Variants in PCDH15 observed in about 807,000 individuals in gnomAD.
PCDH15 encodes the protein protocadherin related 15.
Under a neutral mutation model 178.5 loss-of-function variants are expected in PCDH15, and 129 were observed. The observed-to-expected ratio is 0.72, with a 90% CI of 0.63 to 0.84. The LOEUF (loss-of-function observed/expected upper bound fraction) is 0.84, where lower values mean the gene tolerates loss of function less well. Ranked by LOEUF, PCDH15 falls within the 40% of genes least tolerant of loss-of-function variation. The probability of loss-of-function intolerance (pLI) is 0.00; values close to 1 mark genes in which losing one functional copy is unlikely to be tolerated. For synonymous variants in PCDH15, 800 were observed against 732.0 expected, an observed-to-expected ratio of 1.09 and a Z score of -1.50; for missense variants, 2,230 against 2,099.9, an observed-to-expected ratio of 1.06 and a Z score of -1.21.
At chr10:55,561,878 A>G (rs768962256) in intron 2 of PCDH15, among the ~76,000 whole-genome samples, 22 of 151,954 alleles carry the variant, frequency 1.4e-4, no homozygotes, top group Non-Finnish European at 3.1e-4. Flanking sequence ...ATTTGCTAGT[A>G]ATAGAGACTG....
chr10:54,617,623 T>TA (rs1456948079), intron 2 of PCDH15, among the ~76,000 whole-genome samples: 1 of 151,324 alleles, frequency 6.6e-6, no homozygotes, highest in Non-Finnish European at 1.5e-5. Context: ...TACTATATAT[T>TA]AAAAAGTAGC....
chr10:54,763,948 C>A (rs1436133736), intron 1 of PCDH15, among the ~76,000 whole-genome samples: 2 of 151,070 alleles, frequency 1.3e-5, no homozygotes, highest in African/African-American at 2.4e-5. Flanking sequence ...TATTAACATG[C>A]AAATATAACG....
intron 18 of PCDH15, among the ~76,000 whole-genome samples, chr10:54,046,724 G>A (rs2093663448): frequency 6.6e-6 from 1 of 152,100 alleles, no homozygotes; most frequent in South Asian, 2.1e-4. Flanking sequence ...TTCTATACCT[G>A]ATTTGGACTT....
At position 53,822,104 on chromosome 10, in the gene PCDH15, G is replaced by T. The variant is rs779691167; in HGVS notation, c.4368-1874C>A. The T allele has an allele frequency of 1.2e-6, 2 of 1,613,788 alleles. No individual in the cohort carries two copies. Among genetic ancestry groups the T allele is most frequent in the African/African-American group, 1.3e-5 (1 of 74,764 alleles). On this transcript the variant is annotated intron_variant, in intron 32 of 37. Coordinates refer to ENST00000644397, the MANE Select transcript of PCDH15 (RefSeq NM_001384140.1). ...GGATGCCTTTTGGTTCTCTCTGAGGGTCTGTTTTACACACTGTCGTTGTTG... is the reference window on the plus strand; with the variant it reads ...GGATGCCTTTTGGTTCTCTCTGAGGTTCTGTTTTACACACTGTCGTTGTTG...
chr10:54,060,322 T>C (rs2135734688), intron 18 of PCDH15, among the ~76,000 whole-genome samples: 1 of 152,348 alleles, frequency 6.6e-6, no homozygotes, highest in African/African-American at 2.4e-5. Flanking sequence ...TAAAATGTTC[T>C]CTAAATATGG....
intron 1 of PCDH15, among the ~76,000 whole-genome samples, chr10:55,176,058 C>A (rs1839476273): frequency 6.6e-6 from 1 of 152,030 alleles, no homozygotes; most frequent in South Asian, 2.1e-4. Flanking sequence ...GCTCCTCTCT[C>A]CAGCTCCGAC....
chr10:54,232,841 T>C (rs1206419490), intron 9 of PCDH15, among the ~76,000 whole-genome samples: 2 of 152,086 alleles, frequency 1.3e-5, no homozygotes, highest in African/African-American at 4.8e-5. Context: ...CTTCATTTAT[T>C]ATCTCTACTG....
intron 3 of PCDH15, among the ~76,000 whole-genome samples, chr10:54,897,056 G>C (rs1012149516): frequency 1.3e-5 from 2 of 152,204 alleles, no homozygotes; most frequent in Non-Finnish European, 2.9e-5. Flanking sequence ...CCATGGTCTT[G>C]CTCCTGTGGC....
At chr10:54,823,963 T>A (rs1953087012) in intron 3 of PCDH15, among the ~76,000 whole-genome samples, 1 of 152,152 alleles carries the variant, frequency 6.6e-6, no homozygotes, top group Non-Finnish European at 1.5e-5. Context: ...TTATTTTAAA[T>A]GTTTATAAAT....
At chr10:55,201,797 G>A (rs555184071) in intron 1 of PCDH15, among the ~76,000 whole-genome samples, 1 of 152,094 alleles carries the variant, frequency 6.6e-6, no homozygotes, top group Non-Finnish European at 1.5e-5. Flanking sequence ...TTTTTTGGTG[G>A]AATACTGCTT....
chr10:53,975,789 C>G (rs11003961), intron 21 of PCDH15, among the ~76,000 whole-genome samples: 47,636 of 152,014 alleles, frequency 0.31, 9,463 homozygotes, highest in Middle Eastern at 0.56. Flanking sequence ...TCCCACTCAT[C>G]AATTTTTGTT....
intron 2 of PCDH15, among the ~76,000 whole-genome samples, chr10:55,342,667 TAA>T (rs1451513674): frequency 6.6e-6 from 1 of 152,036 alleles, no homozygotes; most frequent in Non-Finnish European, 1.5e-5. Context: ...TTGGCAGGAC[TAA>T]AATTAGAAGC....
At chr10:54,281,358 T>C (rs929308987) in intron 8 of PCDH15, among the ~76,000 whole-genome samples, 3 of 151,962 alleles carry the variant, frequency 2.0e-5, no homozygotes, top group African/African-American at 7.2e-5. Context: ...TCTAAAAATG[T>C]ATAACAGTAA....
At chr10:54,050,974 C>A (rs536554975) in intron 18 of PCDH15, among the ~76,000 whole-genome samples, 142 of 152,208 alleles carry the variant, frequency 9.3e-4, no homozygotes, top group African/African-American at 3.3e-3. Context: ...CATTTTTTCT[C>A]TCCCTTCACT....
intron 2 of PCDH15, among the ~76,000 whole-genome samples, chr10:55,093,449 A>C (rs945462754): frequency 2.6e-5 from 4 of 151,920 alleles, no homozygotes; most frequent in Admixed American, 1.3e-4. Context: ...TCTGATGGTA[A>C]TTTCTTTTAA....
chr10:54,348,481 A>G (rs2134210293), intron 5 of PCDH15, among the ~76,000 whole-genome samples: 1 of 152,284 alleles, frequency 6.6e-6, no homozygotes, highest in South Asian at 2.1e-4. Context: ...TTCTTTTTTA[A>G]TGGAATTCCT....
chr10:54,930,404 C>G (rs1223167193), intron 2 of PCDH15, among the ~76,000 whole-genome samples: 2 of 152,168 alleles, frequency 1.3e-5, no homozygotes, highest in Non-Finnish European at 2.9e-5. Context: ...TCTCTTCCCT[C>G]TTTCTTTTAC....
intron 2 of PCDH15, among the ~76,000 whole-genome samples, chr10:54,554,603 C>A (rs2086968932): frequency 6.6e-6 from 1 of 152,118 alleles, no homozygotes; most frequent in Non-Finnish European, 1.5e-5. Context: ...ATAGGTTGGA[C>A]TTCCATCTCA....
At chr10:54,988,359 G>C (rs1009076415) in intron 2 of PCDH15, among the ~76,000 whole-genome samples, 1 of 152,138 alleles carries the variant, frequency 6.6e-6, no homozygotes, top group Non-Finnish European at 1.5e-5. Flanking sequence ...ATATGGAAGT[G>C]ACTTTGGAAC....
Sources: gnomAD v4.1 joint callset for allele counts (sites outside exome capture counted in the v4.1 genomes callset) on GRCh38, gnomAD v4.1.1 for gene constraint, MANE v1.5 for transcripts, NCBI Gene and HGNC (gene_info 2026-07-23, HGNC 2026-07-21) for gene names.